The following ROR1 variants were observed in gnomAD, a reference collection of about 807,000 sequenced individuals.
The protein encoded by ROR1 is inactive tyrosine-protein kinase transmembrane receptor ROR1.
Under a neutral mutation model 78.8 loss-of-function variants are expected in ROR1, and 19 were observed. The observed-to-expected ratio is 0.24, with a 90% CI of 0.17 to 0.35. ROR1 has a LOEUF of 0.35. Among genes scored for constraint, ROR1 ranks in the 10% least tolerant of loss-of-function variants. The pLI, the probability that ROR1 is intolerant of heterozygous loss-of-function variation, is 1.00. For synonymous variants in ROR1, 386 were observed against 433.6 expected (o/e 0.89, Z 1.36); for missense variants, 917 against 1,177.8 (o/e 0.78, Z 3.24).
intron 4 of ROR1, among the ~76,000 whole-genome samples, chr1:64,108,116 G>C (rs551383307): frequency 4.5e-4 from 67 of 149,286 alleles, no homozygotes; most frequent in African/African-American, 1.5e-3. Flanking sequence ...CACTGTTTAG[G>C]CTGGGCATGG....
At chr1:64,057,386 G>A (rs1646883607) in intron 4 of ROR1, among the ~76,000 whole-genome samples, 1 of 152,150 alleles carries the variant, frequency 6.6e-6, no homozygotes, top group Non-Finnish European at 1.5e-5. Context: ...TTGAAATCAG[G>A]AAATATGAGT....
At chr1:63,974,229 A>T (rs1271898494) in intron 1 of ROR1, among the ~76,000 whole-genome samples, 1 of 152,230 alleles carries the variant, frequency 6.6e-6, no homozygotes, top group Non-Finnish European at 1.5e-5. Flanking sequence ...CCTTGAATTA[A>T]ATTCTTACTA....
chr1:63,825,107 T>G, intron 1 of ROR1, among the ~76,000 whole-genome samples: 1 of 152,196 alleles, frequency 6.6e-6, no homozygotes, highest in East Asian at 1.9e-4. Flanking sequence ...TGCAGCCACT[T>G]TGGACAACAA....
intron 4 of ROR1, among the ~76,000 whole-genome samples, chr1:64,118,733 G>A (rs535486613): frequency 1.3e-5 from 2 of 151,606 alleles, no homozygotes; most frequent in Admixed American, 6.6e-5. Context: ...GGCTTTTTAG[G>A]CCTCGGTAAA....
In ROR1 at chr1:63,774,357, C is replaced by A; in HGVS notation, c.-61C>A. 9.1e-7 allele frequency: 1 copy of A among 1,101,794 alleles called. No homozygotes were observed. The highest frequency in any genetic ancestry group is 1.2e-6 in the Non-Finnish European group (1 of 836,228). 68.3% of individuals were successfully genotyped at this position (1,101,794 alleles called of 1,614,324 possible). On this transcript the variant is annotated 5_prime_UTR_variant, in exon 1 of 9. Transcript: ENST00000371079. The surrounding 1 kb of genome is among the most constrained non-coding windows in gnomAD (Gnocchi z 5.7). ...AGGCGGCCGGGAGCCCGGGAAGAGC[C>A]CGTGGATGTTCTGCGCGCGGCCTGG...
chr1:63,789,541 G>C (rs1355414367), intron 1 of ROR1, among the ~76,000 whole-genome samples: 1 of 152,116 alleles, frequency 6.6e-6, no homozygotes, highest in Non-Finnish European at 1.5e-5. Context: ...GAAGGAAGTT[G>C]GCAGGTAACA....
chr1:63,795,420 A>G (rs1177951220), intron 1 of ROR1, among the ~76,000 whole-genome samples: 3 of 152,206 alleles, frequency 2.0e-5, no homozygotes, highest in Non-Finnish European at 4.4e-5. Context: ...CTTGGAGGGT[A>G]TGTTTTCTGA....
chr1:63,794,901 G>A (rs147339931), intron 1 of ROR1, among the ~76,000 whole-genome samples: 1 of 152,218 alleles, frequency 6.6e-6, no homozygotes, highest in Non-Finnish European at 1.5e-5. Flanking sequence ...GGTGATAGTG[G>A]TGGGGTGCAG....
intron 4 of ROR1, among the ~76,000 whole-genome samples, chr1:64,112,774 G>A (rs1252139630): frequency 1.3e-5 from 2 of 150,962 alleles, no homozygotes; most frequent in Admixed American, 1.3e-4. Context: ...TACCCAGTGT[G>A]CTCATCAATT....
At chr1:63,789,449 T>A (rs1644712327) in intron 1 of ROR1, 1 of 266,150 alleles carries the variant, frequency 3.8e-6, no homozygotes, top group South Asian at 6.4e-5. Context: ...AAGACAATGA[T>A]TACTTTTGAG....
At chr1:63,776,231 CTTACCT>C (rs1414438665) in intron 1 of ROR1, among the ~76,000 whole-genome samples, 1 of 152,240 alleles carries the variant, frequency 6.6e-6, no homozygotes, top group Admixed American at 6.5e-5. Context: ...GTGGGGGTCA[CTTACCT>C]TTAAATACAT....
At chr1:63,843,224 A>G in intron 1 of ROR1, 1 of 1,503,534 alleles carries the variant, frequency 6.7e-7, no homozygotes, top group Non-Finnish European at 9.2e-7. Flanking sequence ...AGATGACCGC[A>G]CTGCCCCCCA....
At chr1:64,161,794 A>G (rs1162582682) in intron 8 of ROR1, among the ~76,000 whole-genome samples, 1 of 142,488 alleles carries the variant, frequency 7.0e-6, no homozygotes, top group Non-Finnish European at 1.6e-5. Flanking sequence ...GGGGAAAGGA[A>G]ACAACAAAAA....
At chr1:63,816,799 C>T (rs1326197111) in intron 1 of ROR1, among the ~76,000 whole-genome samples, 1 of 152,146 alleles carries the variant, frequency 6.6e-6, no homozygotes, top group Non-Finnish European at 1.5e-5. Context: ...AATAAGAGCA[C>T]CTGTTTTATG....
At chr1:63,844,108 C>T (rs1645065989) in intron 1 of ROR1, among the ~76,000 whole-genome samples, 1 of 152,172 alleles carries the variant, frequency 6.6e-6, no homozygotes, top group African/African-American at 2.4e-5. Context: ...CCTGTTTCCT[C>T]ATTGCTAACA....
At chr1:63,992,929 G>A (rs1646307756) in intron 1 of ROR1, among the ~76,000 whole-genome samples, 1 of 152,022 alleles carries the variant, frequency 6.6e-6, no homozygotes. Context: ...GAGCCATTAG[G>A]GTAGATTCTG....
rs543038777 is a variant in ROR1 at position 63,957,076 on chromosome 1, T to C, written c.92-52229T>C. On this transcript the variant is annotated intron_variant, in intron 1 of 8. Coordinates refer to ENST00000371079, the MANE Select transcript of ROR1 (RefSeq NM_005012.4). ...TGGCTGGGCGTCTTGGGCTGGTGTCTGTTAAGGAAGTCTATGGCTGGTGAA... is the reference window on the plus strand; with the variant it reads ...TGGCTGGGCGTCTTGGGCTGGTGTCCGTTAAGGAAGTCTATGGCTGGTGAA... Among the ~76,000 whole-genome samples the C allele has an allele frequency of 2.0e-5, 3 of 152,332 alleles. No homozygotes were observed. The East Asian group carries it at 5.8e-4, about 29-fold the overall frequency.
intron 1 of ROR1, among the ~76,000 whole-genome samples, chr1:63,791,992 G>A (rs1644729716): frequency 6.6e-6 from 1 of 152,118 alleles, no homozygotes; most frequent in Non-Finnish European, 1.5e-5. Flanking sequence ...CCCTGGTCAT[G>A]GAGGAGTCAG....
At chr1:64,125,106 A>G (rs1648665316) in intron 4 of ROR1, among the ~76,000 whole-genome samples, 1 of 152,186 alleles carries the variant, frequency 6.6e-6, no homozygotes, top group African/African-American at 2.4e-5. Flanking sequence ...TTAATGTTCT[A>G]ATGAAAAAAT....
Sources: gnomAD v4.1 joint callset for allele counts (sites outside exome capture counted in the v4.1 genomes callset) on GRCh38, gnomAD v4.1.1 for gene constraint, Gnocchi (gnomAD v3.1) non-coding constraint, MANE v1.5 for transcripts, NCBI Gene and HGNC (gene_info 2026-07-23, HGNC 2026-07-21) for gene names.